Variants in SMAD4 observed in about 807,000 individuals in gnomAD.
The protein encoded by SMAD4 is MAD homolog 4.
SMAD4 carries 7 observed loss-of-function variants against 63.2 expected under a neutral mutation model. The observed-to-expected ratio is 0.11, with a 90% confidence interval of 0.06 to 0.21. The LOEUF (loss-of-function observed/expected upper bound fraction) is 0.21, where lower values mean the gene tolerates loss of function less well. Among genes scored for constraint, SMAD4 ranks in the 10% least tolerant of loss-of-function variants. The pLI, the probability that SMAD4 is intolerant of heterozygous loss-of-function variation, is 1.00. For missense variants in SMAD4, 312 were observed against 693.8 expected (o/e 0.45, Z 6.18); for synonymous variants, 215 against 235.4 (o/e 0.91, Z 0.79).
chr18:51,054,394 A>C (rs939086347), intron 4 of SMAD4: 1 of 263,058 alleles, frequency 3.8e-6, no homozygotes, highest in African/African-American at 2.3e-5. Context: ...ATTTAGACCG[A>C]ATAATTGTTT....
chr18:51,044,426 G>A (rs1909478664), intron 1 of SMAD4, among the ~76,000 whole-genome samples: 1 of 151,672 alleles, frequency 6.6e-6, no homozygotes, highest in East Asian at 1.9e-4. Flanking sequence ...GGGTCTCACT[G>A]TGTCACCCAG....
At chr18:51,034,391 C>T (rs542590083) in intron 1 of SMAD4, among the ~76,000 whole-genome samples, 38 of 151,978 alleles carry the variant, frequency 2.5e-4, no homozygotes, top group Non-Finnish European at 4.9e-4. Context: ...AGATTACAGG[C>T]GTGCGCCACC....
intron 10 of SMAD4, among the ~76,000 whole-genome samples, chr18:51,068,219 T>A (rs1910215814): frequency 6.6e-6 from 1 of 152,214 alleles, no homozygotes; most frequent in Non-Finnish European, 1.5e-5. Flanking sequence ...TGGAATTTTT[T>A]TATATGACAC....
Position 51,058,184 on chromosome 18 carries a change from G to C in SMAD4, c.727G>C (p.Gly243Arg). The C allele has an allele frequency of 6.2e-7, 1 of 1,614,204 alleles. No homozygotes were observed. Among genetic ancestry groups the C allele is most frequent in the South Asian group, 1.1e-5 (1 of 91,090 alleles). The change falls in exon 6 of 12, where the codon GGG (glycine) becomes CGG (arginine). Residue 243 changes from glycine (G) to arginine (R), a missense_variant. Around this residue, in one of 4 missense-constraint regions of SMAD4, gnomAD observed 169 missense variants for 211.0 expected, o/e 0.80. Transcript: ENST00000342988. ...HSEGLLQIAS[G>R]PQPGQQQNGF... ...TGAAGGACTGTTGCAGATAGCATCA[G>C]GGCCTCAGCCAGGACAGCAGCAGAA...
Position 51,083,172 on chromosome 18 carries a change from C to T in SMAD4, c.*4705C>T, listed in dbSNP as rs1910650186. On this transcript the variant is annotated 3_prime_UTR_variant, in exon 12 of 12. Transcript: ENST00000342988. ...GTTACAAGGGTTACTAAATTAGCAT[C>T]AGTAGCCAGAGGCAATACCGTTGTC... is the stretch of plus-strand genomic sequence containing the variant. 4.4e-6 allele frequency: 1 copy of T among 226,718 alleles called. No individual in the cohort carries two copies. The highest frequency in any genetic ancestry group is 8.8e-6 in the Non-Finnish European group (1 of 114,134). The allele number at this position is 226,718 out of a possible 1,614,324, so 14.0% of individuals were successfully genotyped here.
rs1064794372 is a variant in SMAD4, at chr18:51,058,326, GC to G, written c.788-12del. The G allele has an allele frequency of 1.9e-6, 3 of 1,610,426 alleles. No individual in the cohort carries two copies. The highest frequency in any genetic ancestry group is 2.5e-6 in the Non-Finnish European group (3 of 1,177,646). The stretch of plus-strand genomic sequence containing the variant: ...TATAAAAGCAAATTAACCCATGTGG[GC>G]CTTAATTTTTAGACAGCACTACCAC... On this transcript the variant is annotated splice_polypyrimidine_tract_variant and intron_variant, in intron 6 of 11. Transcript: ENST00000342988.
intron 10 of SMAD4, among the ~76,000 whole-genome samples, chr18:51,074,585 C>T (rs932260005): frequency 3.3e-5 from 5 of 152,036 alleles, no homozygotes; most frequent in Non-Finnish European, 4.4e-5. Flanking sequence ...TTGATAGTGG[C>T]GGAAGGTTGG....
chr18:51,058,845 A>G (rs957124191), intron 7 of SMAD4, among the ~76,000 whole-genome samples: 1 of 152,174 alleles, frequency 6.6e-6, no homozygotes, highest in Non-Finnish European at 1.5e-5. Context: ...TGTACTTTGG[A>G]TAATGTTGAA....
chr18:51,038,316 A>G (rs1255417455), intron 1 of SMAD4, among the ~76,000 whole-genome samples: 4 of 152,080 alleles, frequency 2.6e-5, no homozygotes, highest in Admixed American at 6.6e-5. Context: ...CATTGAACCA[A>G]TATTTTCCCA....
intron 1 of SMAD4, among the ~76,000 whole-genome samples, chr18:51,042,450 C>T (rs1002411845): frequency 2.7e-5 from 4 of 150,658 alleles, no homozygotes; most frequent in African/African-American, 9.8e-5. Flanking sequence ...TGGCTCACTG[C>T]AACCTCTGCC....
intron 9 of SMAD4, 141 bp from the exon 10 acceptor site, chr18:51,066,878 C>G: frequency 1.5e-6 from 1 of 671,358 alleles, no homozygotes; most frequent in Admixed American, 2.5e-5. Flanking sequence ...AGGAAATATA[C>G]AAAAATGTTA....
At chr18:51,059,379 C>T (rs1215322988) in intron 7 of SMAD4, among the ~76,000 whole-genome samples, 1 of 152,070 alleles carries the variant, frequency 6.6e-6, no homozygotes. Context: ...AAGGGGTGTT[C>T]GTAAGAAGTA....
intron 4 of SMAD4, among the ~76,000 whole-genome samples, chr18:51,051,752 G>GAAAA (rs1909719824): frequency 6.6e-6 from 1 of 152,000 alleles, no homozygotes; most frequent in Non-Finnish European, 1.5e-5. Flanking sequence ...TGGGCCCAGT[G>GAAAA]GTTTCAGCTT....
chr18:51,043,815 A>T lies in SMAD4; in HGVS notation c.-127-3105A>T, dbSNP rs186823481. 2.8e-3 allele frequency among the ~76,000 whole-genome samples: 432 copies of T among 152,358 alleles called. 4 individuals are homozygous for T. Among genetic ancestry groups the T allele is most frequent in the African/African-American group, 0.01 (421 of 41,578 alleles). On this transcript the variant is annotated intron_variant, in intron 1 of 11. Coordinates refer to ENST00000342988, the MANE Select transcript of SMAD4 (RefSeq NM_005359.6). Reference sequence around the variant, plus strand: ...CATTTTAATTGCATTGTAGATTCATACACATCTTTTGGAATATAATATCAG... The same window carrying T: ...CATTTTAATTGCATTGTAGATTCATTCACATCTTTTGGAATATAATATCAG...
At chr18:51,075,548 C>T (rs897303970) in intron 10 of SMAD4, among the ~76,000 whole-genome samples, 2 of 152,092 alleles carry the variant, frequency 1.3e-5, no homozygotes, top group African/African-American at 4.8e-5. Flanking sequence ...CCTGCAAATT[C>T]TTTTTGTGTA....
In SMAD4 at chr18:51,048,681, T is replaced by C. The variant is rs1232598459; in HGVS notation, c.250-5T>C. 3 of 1,614,020 alleles carry C rather than the reference T, an allele frequency of 1.9e-6. No individual in the cohort carries two copies. The highest frequency in any genetic ancestry group is 2.5e-6 in the Non-Finnish European group (3 of 1,179,846). On this transcript the variant is annotated splice_region_variant and splice_polypyrimidine_tract_variant and intron_variant, in intron 2 of 11. Coordinates refer to ENST00000342988, the MANE Select transcript of SMAD4 (RefSeq NM_005359.6). ...ACATGAATAAATGGTCGTTTATTTT[T>C]CTAGGTGGCTGGTCGGAAAGGATTT...
rs943478517 is a variant in SMAD4 at position 51,083,643 on chromosome 18, C to G, written c.*5176C>G. The G allele has an allele frequency of 4.4e-6, 1 of 227,556 alleles. No homozygotes were observed. The highest frequency in any genetic ancestry group is 8.7e-6 in the Non-Finnish European group (1 of 114,524). 14.1% of individuals were successfully genotyped at this position (227,556 alleles called of 1,614,324 possible). On this transcript the variant is annotated 3_prime_UTR_variant, in exon 12 of 12. Coordinates refer to ENST00000342988, the MANE Select transcript of SMAD4 (RefSeq NM_005359.6). ...GGGTTGGGCCAGACAGTTGCACTCT[C>G]TAGTTTGCCCTCTGCCACAAATTTG... is the stretch of plus-strand genomic sequence containing the variant.
At chr18:51,051,421 T>A (rs771506970) in intron 4 of SMAD4, 1 of 455,602 alleles carries the variant, frequency 2.2e-6, no homozygotes, top group South Asian at 1.6e-5. Context: ...AGCAGGTAAC[T>A]AAAAGTTAAG....
intron 2 of SMAD4, 36 bp from the exon 3 acceptor site, chr18:51,048,650 T>A (rs764042720): frequency 4.8e-5 from 76 of 1,583,698 alleles, no homozygotes; most frequent in Non-Finnish European, 6.2e-5. Flanking sequence ...TCTTGCATAA[T>A]GTGACACATG....
Sources: allele counts gnomAD v4.1 joint callset (sites outside exome capture counted in the v4.1 genomes callset), GRCh38; gene constraint gnomAD v4.1.1; regional missense constraint gnomAD v4.1.1; transcripts MANE v1.5; gene names NCBI Gene and HGNC (gene_info 2026-07-23, HGNC 2026-07-21).